The following CWC15 variants were observed in gnomAD, a reference collection of about 807,000 sequenced individuals.
CWC15 encodes CWC15 spliceosome associated protein.
A neutral mutation model predicts 28.4 loss-of-function variants in CWC15; 12 were observed. The ratio of observed to expected loss-of-function variants is 0.42; its 90% CI spans 0.27 to 0.69. The LOEUF (loss-of-function observed/expected upper bound fraction) is 0.69. CWC15 is among the 30% of genes least tolerant of loss of function. CWC15 has a pLI of 0.23. For synonymous variants in CWC15, 92 were observed against 88.4 expected (o/e 1.04, Z -0.23); for missense variants, 192 against 271.5 (o/e 0.71, Z 2.06).
chr11:94,972,615 G>A (rs145472298), intron 1 of CWC15, among the ~76,000 whole-genome samples: 451 of 152,198 alleles, frequency 3.0e-3, no homozygotes, highest in Non-Finnish European at 5.0e-3. Flanking sequence ...TACTCTACCA[G>A]ACTCTGTAAG....
chr11:94,965,294 A>C (rs188359963), intron 6 of CWC15, among the ~76,000 whole-genome samples: 63 of 152,382 alleles, frequency 4.1e-4, no homozygotes, highest in Non-Finnish European at 7.3e-4. Context: ...TGGTTCCTTG[A>C]CGAATGCATA....
chr11:94,966,316 G>T lies in CWC15; in HGVS notation c.539C>A (p.Ala180Asp), dbSNP rs782809178. ...GTACCTTCTTTTAACTTTGAAGTTG[G>T]CCTGAGGCTGGGATGGGCCAGTGAG... Reference protein sequence around the residue: ...LNLTGPSQPQANFKVKRRWDD... With the variant: ...LNLTGPSQPQDNFKVKRRWDD... The change falls in exon 6 of 7, where the codon GCC becomes GAC. Residue 180 changes from alanine to aspartate, a missense_variant. By Grantham distance (126) the Ala-to-Asp change is moderately radical (BLOSUM62 -2). Coordinates refer to ENST00000279839, the MANE Select transcript of CWC15 (RefSeq NM_016403.4). 4.5e-6 allele frequency: 7 copies of T among 1,553,860 alleles called. No homozygotes were observed. The highest frequency in any genetic ancestry group is 6.1e-6 in the Non-Finnish European group (7 of 1,146,994).
intron 4 of CWC15, chr11:94,970,340 T>C (rs868948518): frequency 1.2e-5 from 4 of 337,584 alleles, no homozygotes; most frequent in African/African-American, 8.6e-5. Flanking sequence ...TTAACTATTA[T>C]GAGTAACTCC....
intron 6 of CWC15, among the ~76,000 whole-genome samples, chr11:94,965,314 A>C (rs1857623763): frequency 6.6e-6 from 1 of 152,234 alleles, no homozygotes; most frequent in Admixed American, 6.5e-5. Flanking sequence ...ATAAAATAAC[A>C]ACCAATCTTC....
At position 94,971,009 on chromosome 11, in the gene CWC15, C is replaced by T. The variant is rs1181004837; in HGVS notation, c.301G>A (p.Ala101Thr). The T allele has an allele frequency of 1.9e-6, 3 of 1,613,606 alleles. No homozygotes were observed. Among genetic ancestry groups the T allele is most frequent in the South Asian group, 1.1e-5 (1 of 91,076 alleles). Residue 101 changes from alanine (A) to threonine (T), a missense_variant, in exon 4 of 7, where the codon GCC becomes ACC. Physicochemically the swap from Ala to Thr is moderately conservative, Grantham distance 58 (BLOSUM62 0). This residue lies in a region of CWC15 where 188 missense variants were observed against 250.3 expected (regional missense o/e 0.75). Transcript: ENST00000279839. ...KKPRLDQIPA[A>T]NLDADDPLTD... is the part of the protein sequence containing the mutation. ...AGAGGGTCATCTGCATCAAGGTTGG[C>T]GGCAGGAATCTGGTCTAACCGTGGC...
Position 94,969,656 on chromosome 11 carries a change from T to A in CWC15, c.441+333A>T, listed in dbSNP as rs117436243. Among the ~76,000 whole-genome samples the A allele has an allele frequency of 1.2e-3, 190 of 152,302 alleles. 3 individuals are homozygous for A. The East Asian group carries it at 0.031, about 25-fold the overall frequency. On this transcript the variant is annotated intron_variant, in intron 5 of 6. Transcript: ENST00000279839. ...AGGCAGTAGACAAGCAGAGAGATAA[T>A]CTTTGTAGACCACAACTATATCTTG...
chr11:94,965,898 T>C (rs1004298421), intron 6 of CWC15, among the ~76,000 whole-genome samples: 19 of 152,156 alleles, frequency 1.2e-4, no homozygotes, highest in African/African-American at 4.6e-4. Flanking sequence ...CCAAGCATAT[T>C]AACTATACAC....
chr11:94,969,889 G>T, intron 5 of CWC15, 100 bp downstream of exon 5: 1 of 597,782 alleles, frequency 1.7e-6, no homozygotes. Context: ...ACACGGTAAA[G>T]GAGATTTCTA....
chr11:94,963,559 A>G (rs1857596919), intron 6 of CWC15, 45 bp from the exon 7 acceptor site: 3 of 1,526,426 alleles, frequency 2.0e-6, no homozygotes, highest in South Asian at 1.3e-5. Flanking sequence ...TGTTTGTATC[A>G]GGAGACAAGA....
At chr11:94,971,200 C>T in intron 3 of CWC15, 135 bp from the exon 4 acceptor site, 1 of 988,952 alleles carries the variant, frequency 1.0e-6, no homozygotes. Context: ...AGTGCCTGGG[C>T]AAATAAGCCT....
rs369157947 is a variant in CWC15, at chr11:94,971,507, G to C, written c.132-20C>G. 3.4e-6 allele frequency: 5 copies of C among 1,481,984 alleles called. No individual in the cohort carries two copies. The highest frequency in any genetic ancestry group is 4.6e-6 in the Non-Finnish European group (5 of 1,077,290). 91.8% of individuals were successfully genotyped at this position (1,481,984 alleles called of 1,614,324 possible). A position where few individuals can be genotyped will look rare whatever the true frequency, so the allele number is the denominator to read the frequency against. ...GTCTGTCTAAAGTAGAAACAAACCAGGGCAAAAATGTTACTTAAACACACA... is the reference window on the plus strand; with the variant it reads ...GTCTGTCTAAAGTAGAAACAAACCACGGCAAAAATGTTACTTAAACACACA... On this transcript the variant is annotated intron_variant, in intron 2 of 6. Transcript: ENST00000279839.
At chr11:94,967,831 A>G (rs377685747) in intron 5 of CWC15, among the ~76,000 whole-genome samples, 11 of 152,230 alleles carry the variant, frequency 7.2e-5, no homozygotes, top group South Asian at 2.1e-4. Flanking sequence ...TAAAAGCTAT[A>G]TATTTATTTG....
intron 5 of CWC15, among the ~76,000 whole-genome samples, chr11:94,969,712 A>G (rs587717957): frequency 3.9e-5 from 6 of 152,328 alleles, no homozygotes; most frequent in South Asian, 4.1e-4. Flanking sequence ...CAATTAACAG[A>G]TATCGACTAA....
At chr11:94,967,830 T>C (rs1857666742) in intron 5 of CWC15, among the ~76,000 whole-genome samples, 2 of 152,370 alleles carry the variant, frequency 1.3e-5, no homozygotes, top group South Asian at 2.1e-4. Context: ...CTAAAAGCTA[T>C]ATATTTATTT....
chr11:94,965,361 TTTATA>T (rs1857624505), intron 6 of CWC15, among the ~76,000 whole-genome samples: 1 of 152,242 alleles, frequency 6.6e-6, no homozygotes, highest in Non-Finnish European at 1.5e-5. Flanking sequence ...TCTGTTTTAT[TTTATA>T]TATCACCATC....
intron 1 of CWC15, among the ~76,000 whole-genome samples, chr11:94,972,643 A>C (rs1017211814): frequency 6.6e-6 from 1 of 152,230 alleles, no homozygotes; most frequent in African/African-American, 2.4e-5. Flanking sequence ...TTTTATCTAA[A>C]CTTCACACAA....
intron 1 of CWC15, 103 bp from the exon 2 acceptor site, chr11:94,972,296 T>C: frequency 8.8e-7 from 1 of 1,139,368 alleles, no homozygotes; most frequent in Non-Finnish European, 1.2e-6. Context: ...TAAAACTCAT[T>C]CCCCAAAACC....
At chr11:94,969,435 GCT>G (rs1163650557) in intron 5 of CWC15, among the ~76,000 whole-genome samples, 1 of 152,136 alleles carries the variant, frequency 6.6e-6, no homozygotes, top group Non-Finnish European at 1.5e-5. Context: ...AACCTCTAAT[GCT>G]CTGACTTGCA....
In CWC15 at chr11:94,971,485, T is replaced by A. The variant is rs1555096239; in HGVS notation, c.134A>T (p.Gln45Leu). The A allele has an allele frequency of 1.2e-6, 2 of 1,600,018 alleles. No individual in the cohort carries two copies. Among genetic ancestry groups the A allele is most frequent in the Non-Finnish European group, 1.7e-6 (2 of 1,171,656 alleles). ...CTCTTCAGGGGCATCCTGAGTAGTCTGTCTAAAGTAGAAACAAACCAGGGC... is the reference window on the plus strand; with the variant it reads ...CTCTTCAGGGGCATCCTGAGTAGTCAGTCTAAAGTAGAAACAAACCAGGGC... ...LPSHTKIKYR[Q>L]TTQDAPEEVR... Residue 45 changes from glutamine (Q) to leucine (L), a missense_variant and splice_region_variant, in exon 3 of 7, where the codon CAG (glutamine) becomes CTG (leucine). Coordinates refer to ENST00000279839, the MANE Select transcript of CWC15 (RefSeq NM_016403.4).
Sources: allele counts gnomAD v4.1 joint callset (sites outside exome capture counted in the v4.1 genomes callset), GRCh38; gene constraint gnomAD v4.1.1; regional missense constraint gnomAD v4.1.1; transcripts MANE v1.5; gene names NCBI Gene and HGNC (gene_info 2026-07-23, HGNC 2026-07-21).